Variants in PKHD1 observed in about 807,000 individuals in gnomAD.
PKHD1 encodes the protein fibrocystin.
A neutral mutation model predicts 412.0 loss-of-function variants in PKHD1; 291 were observed. That is an observed-to-expected ratio of 0.71 (90% CI 0.64 to 0.78). The LOEUF is 0.78. Ranked by LOEUF, PKHD1 falls within the 30% of genes least tolerant of loss-of-function variation. The pLI, the probability that PKHD1 is intolerant of heterozygous loss-of-function variation, is 0.00. For missense variants in PKHD1, 4,825 were observed against 4,950.7 expected, an observed-to-expected ratio of 0.97 and a Z score of 0.76; for synonymous variants, 1,777 against 1,821.5, an observed-to-expected ratio of 0.98 and a Z score of 0.62.
At chr6:52,064,595 GTCT>G (rs920553561) in intron 13 of PKHD1, among the ~76,000 whole-genome samples, 1 of 152,150 alleles carries the variant, frequency 6.6e-6, no homozygotes, top group Non-Finnish European at 1.5e-5. Context: ...TAACGCTCCT[GTCT>G]TCTTAGCCAG....
intron 52 of PKHD1, among the ~76,000 whole-genome samples, chr6:51,803,852 G>A (rs1298236352): frequency 6.6e-6 from 1 of 151,166 alleles, no homozygotes; most frequent in African/African-American, 2.5e-5. Flanking sequence ...GATTACAGGT[G>A]CCCATCACCA....
Position 51,617,086 on chromosome 6 carries a change from A to G in PKHD1, c.*1995T>C, listed in dbSNP as rs1297996612. ...TCAGGAAAAATACCTGTGGAAAAAA[A>G]ACTTAAAAAGTGGTGAAAGAATCCG... is the stretch of plus-strand genomic sequence containing the variant. On this transcript the variant is annotated 3_prime_UTR_variant, in exon 67 of 67. Coordinates refer to ENST00000371117, the MANE Select transcript of PKHD1 (RefSeq NM_138694.4). 1 of 167,828 alleles carries G rather than the reference A, an allele frequency of 6.0e-6. No individual in the cohort carries two copies. Among genetic ancestry groups the G allele is most frequent in the Non-Finnish European group, 1.3e-5 (1 of 78,640 alleles). The allele number at this position is 167,828 out of a possible 1,614,324, so 10.4% of individuals were successfully genotyped here. A position where few individuals can be genotyped will look rare whatever the true frequency, so the allele number is the denominator to read the frequency against.
At chr6:51,833,485 T>C (rs1768639154) in intron 51 of PKHD1, among the ~76,000 whole-genome samples, 1 of 152,094 alleles carries the variant, frequency 6.6e-6, no homozygotes, top group Non-Finnish European at 1.5e-5. Context: ...ATGACTATTA[T>C]TGACAATCAA....
chr6:51,961,227 G>C (rs1474813000), intron 35 of PKHD1, among the ~76,000 whole-genome samples: 1 of 152,112 alleles, frequency 6.6e-6, no homozygotes, highest in African/African-American at 2.4e-5. Flanking sequence ...TAGTATTTCT[G>C]AGATAGAAAA....
intron 16 of PKHD1, 37 bp downstream of exon 16, chr6:52,058,286 A>G: frequency 6.2e-7 from 1 of 1,605,186 alleles, no homozygotes; most frequent in Non-Finnish European, 8.5e-7. Flanking sequence ...TATTCCTTCC[A>G]GAGTTCAGCT....
chr6:51,785,740 C>G (rs993487593), intron 53 of PKHD1, among the ~76,000 whole-genome samples: 1 of 152,172 alleles, frequency 6.6e-6, no homozygotes, highest in African/African-American at 2.4e-5. Flanking sequence ...GCTTCCTCTA[C>G]CACCCTTCAA....
chr6:51,951,606 A>G (rs1199775185), intron 36 of PKHD1, among the ~76,000 whole-genome samples: 2 of 152,180 alleles, frequency 1.3e-5, no homozygotes, highest in East Asian at 1.9e-4. Context: ...TACTTTTCTT[A>G]TAGTATTTAT....
At chr6:51,695,221 C>T in intron 60 of PKHD1, among the ~76,000 whole-genome samples, 1 of 152,142 alleles carries the variant, frequency 6.6e-6, no homozygotes, top group East Asian at 1.9e-4. Context: ...ATTGAAAACA[C>T]TCATCTTGTT....
intron 25 of PKHD1, among the ~76,000 whole-genome samples, chr6:52,044,638 A>G (rs1438104910): frequency 6.6e-6 from 1 of 152,218 alleles, no homozygotes; most frequent in Non-Finnish European, 1.5e-5. Context: ...CTTTTTAAAG[A>G]CAAAAAGAAT....
rs1442238169 is a variant in PKHD1, at chr6:51,804,370, G to T, written c.8303-12997C>A. The stretch of plus-strand genomic sequence containing the variant: ...AAATACTAATTCATTGGGGGGGGGG[G>T]GGGCGGTAACAGGAGAAATTAAGCG... On this transcript the variant is annotated intron_variant, in intron 52 of 66. Transcript: ENST00000371117. Among the ~76,000 whole-genome samples the T allele has an allele frequency of 8.6e-5, 7 of 81,278 alleles. 1 individual carries two copies. The highest frequency in any genetic ancestry group is 1.2e-3 in the South Asian group (2 of 1,614). 53.3% of individuals were successfully genotyped at this position (81,278 alleles called of 152,430 possible).
At chr6:52,080,207 A>G (rs1408172789) in intron 4 of PKHD1, among the ~76,000 whole-genome samples, 199 bp from the exon 5 acceptor site, 2 of 152,182 alleles carry the variant, frequency 1.3e-5, no homozygotes. Flanking sequence ...AAAAAAAGTT[A>G]TGATTTTTTG....
Position 51,659,277 on chromosome 6 carries a change from T to A in PKHD1, c.10849A>T (p.Lys3617Ter). The A allele has an allele frequency of 6.2e-7, 1 of 1,613,892 alleles. No individual in the cohort carries two copies. Among genetic ancestry groups the A allele is most frequent in the African/African-American group, 1.3e-5 (1 of 75,038 alleles). Residue 3617 changes from lysine to a stop codon, truncating the protein, a stop_gained, in exon 61 of 67, where the codon AAA becomes TAA. Transcript: ENST00000371117. LOFTEE classifies it high-confidence loss of function. ...TLKAIADSRA[K>*]RKRNCPTVTC... ...ACAGTAGGGCAATTGCGCTTTCTTT[T>A]TGCTCTACTGTCAGCAATGGCCTTT...
At chr6:51,666,959 G>A (rs1336422214) in intron 60 of PKHD1, among the ~76,000 whole-genome samples, 1 of 150,850 alleles carries the variant, frequency 6.6e-6, no homozygotes, top group South Asian at 2.1e-4. Flanking sequence ...GGACATTTGG[G>A]TTGGTTCCAA....
At position 51,904,092 on chromosome 6, in the gene PKHD1, A is replaced by G. The variant is rs760412993; in HGVS notation, c.6809-50T>C. ...TGAGTATATTTTATGTCACTTAGGA[A>G]AACAAGAGATGCTGCAACACTACTT... On this transcript the variant is annotated intron_variant, in intron 41 of 66. Transcript: ENST00000371117. 4 of 1,199,882 alleles carry G rather than the reference A, an allele frequency of 3.3e-6. 1 individual carries two copies. In the South Asian group the frequency reaches 4.8e-5, roughly 15 times the overall value. 74.3% of individuals were successfully genotyped at this position (1,199,882 alleles called of 1,614,324 possible). A position where few individuals can be genotyped will look rare whatever the true frequency, so the allele number is the denominator to read the frequency against.
rs540483955 is a variant in PKHD1, at chr6:51,645,387, T to C, written c.11398+2644A>G. 2.6e-4 allele frequency among the ~76,000 whole-genome samples: 39 copies of C among 152,264 alleles called. No homozygotes were observed. In the South Asian group the frequency reaches 7.9e-3, roughly 31 times the overall value. ...TATAGTATGCATATTTTGAAAACAT[T>C]ATTTTCTTTTTTCTTTTTTTCTTGA... On this transcript the variant is annotated intron_variant, in intron 63 of 66. Transcript: ENST00000371117.
At chr6:52,050,128 G>A (rs1009207681) in intron 22 of PKHD1, 29 bp downstream of exon 22, 2 of 1,611,638 alleles carry the variant, frequency 1.2e-6, no homozygotes, top group Non-Finnish European at 1.7e-6. Context: ...CTTAGGAGAA[G>A]GGACAGGTGT....
Position 52,082,391 on chromosome 6 carries a change from C to G in PKHD1, c.281+1G>C. Reference sequence around the variant, plus strand: ...GTCTTCCTATTCCCAGACAGGTATACCTGGTCCGGCATGTCACCACAGGCA... The same window carrying G: ...GTCTTCCTATTCCCAGACAGGTATAGCTGGTCCGGCATGTCACCACAGGCA... On this transcript the variant is annotated splice_donor_variant, in intron 4 of 66. Coordinates refer to ENST00000371117, the MANE Select transcript of PKHD1 (RefSeq NM_138694.4). LOFTEE classifies it high-confidence loss of function. 1.9e-6 allele frequency: 3 copies of G among 1,614,030 alleles called. No individual in the cohort carries two copies. Among genetic ancestry groups the G allele is most frequent in the Non-Finnish European group, 2.5e-6 (3 of 1,179,920 alleles).
chr6:51,713,612 A>C (rs1562150599), intron 60 of PKHD1, among the ~76,000 whole-genome samples: 1 of 152,310 alleles, frequency 6.6e-6, no homozygotes, highest in East Asian at 1.9e-4. Flanking sequence ...AGATATCTGA[A>C]ACTGACTCCT....
At chr6:51,754,000 G>T (rs1786547808) in intron 56 of PKHD1, among the ~76,000 whole-genome samples, 1 of 152,128 alleles carries the variant, frequency 6.6e-6, no homozygotes, top group Admixed American at 6.6e-5. Context: ...TACTAAAAAA[G>T]AAATGCTCCT....
Sources: allele counts gnomAD v4.1 joint callset (sites outside exome capture counted in the v4.1 genomes callset), GRCh38; gene constraint gnomAD v4.1.1; transcripts MANE v1.5; gene names NCBI Gene and HGNC (gene_info 2026-07-23, HGNC 2026-07-21).